FAM227B: variants seen among roughly 807,000 people sequenced by gnomAD.
FAM227B encodes the protein protein FAM227B.
FAM227B carries 88 observed loss-of-function variants against 73.8 expected under a neutral mutation model. That is an observed-to-expected ratio of 1.19 (90% CI 1.00 to 1.42). The LOEUF (loss-of-function observed/expected upper bound fraction) is 1.42, where lower values mean the gene tolerates loss of function less well. Ranked by LOEUF, FAM227B falls within the 40% of genes most tolerant of loss-of-function variation. The pLI, the probability that FAM227B is intolerant of heterozygous loss-of-function variation, is 0.00. For missense variants in FAM227B, 632 were observed against 590.9 expected (o/e 1.07, Z -0.72); for synonymous variants, 210 against 190.5 (o/e 1.10, Z -0.84).
chr15:49,424,303 C>T, intron 11 of FAM227B: 3 of 1,613,088 alleles, frequency 1.9e-6, no homozygotes, highest in Non-Finnish European at 2.5e-6. Flanking sequence ...CTATAATGCA[C>T]AAATGGATAC....
At chr15:49,354,719 G>A (rs1253507860) in intron 13 of FAM227B, among the ~76,000 whole-genome samples, 5 of 152,166 alleles carry the variant, frequency 3.3e-5, no homozygotes, top group East Asian at 1.9e-4. Context: ...CGGGAAGCTC[G>A]AACTGGGTGG....
intron 7 of FAM227B, chr15:49,576,216 A>C (rs1210315839): frequency 6.6e-6 from 1 of 152,550 alleles, no homozygotes; most frequent in East Asian, 1.9e-4. Flanking sequence ...ATAGAGGGCA[A>C]AATGACCAGT....
intron 10 of FAM227B, among the ~76,000 whole-genome samples, chr15:49,516,325 C>T (rs1474401423): frequency 2.0e-5 from 3 of 152,018 alleles, no homozygotes; most frequent in Admixed American, 1.3e-4. Flanking sequence ...AACCTATGCT[C>T]AGCTTTTAGC....
intron 11 of FAM227B, among the ~76,000 whole-genome samples, chr15:49,412,450 G>C (rs756878848): frequency 6.6e-6 from 1 of 151,996 alleles, no homozygotes; most frequent in African/African-American, 2.4e-5. Context: ...AAAATAACCA[G>C]AGAGGGTACT....
At chr15:49,340,040 T>C (rs1178575627) in intron 13 of FAM227B, among the ~76,000 whole-genome samples, 3 of 152,240 alleles carry the variant, frequency 2.0e-5, no homozygotes, top group East Asian at 1.9e-4. Flanking sequence ...CAGTGGATCT[T>C]AACTTGCTGG....
Position 49,483,480 on chromosome 15 carries a change from A to C in FAM227B, c.1012+24731T>G, listed in dbSNP as rs183848163. Among the ~76,000 whole-genome samples the C allele has an allele frequency of 2.5e-3, 375 of 152,192 alleles. 1 individual carries two copies. Among genetic ancestry groups the C allele is most frequent in the Non-Finnish European group, 3.9e-3 (266 of 67,932 alleles). On this transcript the variant is annotated intron_variant, in intron 11 of 15. Coordinates refer to ENST00000299338, the MANE Select transcript of FAM227B (RefSeq NM_152647.3). ...GTTTCTTCATCTGTAAAATGAGTTGAATTAACTGACCTCTAAGGATCCTTC... is the reference window on the plus strand; with the variant it reads ...GTTTCTTCATCTGTAAAATGAGTTGCATTAACTGACCTCTAAGGATCCTTC...
At chr15:49,408,856 G>A (rs1326195479) in intron 11 of FAM227B, among the ~76,000 whole-genome samples, 1 of 151,938 alleles carries the variant, frequency 6.6e-6, no homozygotes, top group African/African-American at 2.4e-5. Context: ...GTGGAGGGGT[G>A]GGGTTATATC....
chr15:49,390,499 A>G (rs759272060), intron 11 of FAM227B, among the ~76,000 whole-genome samples: 20 of 152,080 alleles, frequency 1.3e-4, no homozygotes, highest in Non-Finnish European at 2.4e-4. Flanking sequence ...CAATTATCCA[A>G]AGTGGCATTG....
intron 14 of FAM227B, among the ~76,000 whole-genome samples, chr15:49,333,426 T>G (rs142283512): frequency 6.6e-6 from 1 of 152,352 alleles, no homozygotes; most frequent in Non-Finnish European, 1.5e-5. Flanking sequence ...TTCTTGTGAG[T>G]TACTCTGAGA....
At chr15:49,514,231 A>G (rs147383347) in intron 10 of FAM227B, among the ~76,000 whole-genome samples, 8,273 of 152,180 alleles carry the variant, frequency 0.054, 323 homozygotes, top group East Asian at 0.12. Context: ...ATCCATGAGG[A>G]TAGAATGTTT....
intron 9 of FAM227B, among the ~76,000 whole-genome samples, chr15:49,553,667 G>GT (rs1204323499): frequency 1.1e-4 from 16 of 152,116 alleles, no homozygotes; most frequent in African/African-American, 3.6e-4. Context: ...ATCTCACCCT[G>GT]TAGCCACTGT....
At chr15:49,500,441 TAA>T (rs1286663149) in intron 11 of FAM227B, among the ~76,000 whole-genome samples, 2 of 152,202 alleles carry the variant, frequency 1.3e-5, no homozygotes, top group African/African-American at 2.4e-5. Flanking sequence ...ATGTGGGACA[TAA>T]AGTCAAAGGA....
intron 11 of FAM227B, among the ~76,000 whole-genome samples, chr15:49,383,430 G>C (rs552248292): frequency 6.6e-6 from 1 of 152,026 alleles, no homozygotes; most frequent in African/African-American, 2.4e-5. Context: ...TAGACAAAAT[G>C]CTATTATACC....
chr15:49,349,167 G>A (rs1450333175), intron 13 of FAM227B, among the ~76,000 whole-genome samples: 4 of 152,064 alleles, frequency 2.6e-5, no homozygotes, highest in African/African-American at 9.7e-5. Flanking sequence ...CTTAAACTGA[G>A]TTTGTAAGAA....
rs1387453119 is a variant in FAM227B, at chr15:49,602,977, G to T, written c.105+8238C>A. ...CTGCAGGTGTGTGGATTGGTTTCTG[G>T]GTTCTCTTATTTTGTTCCATGGGTG... On this transcript the variant is annotated intron_variant, in intron 3 of 15. Transcript: ENST00000299338. Among the ~76,000 whole-genome samples the T allele has an allele frequency of 2.0e-5, 3 of 152,076 alleles. No individual in the cohort carries two copies. In the East Asian group the frequency reaches 5.8e-4, roughly 29 times the overall value.
intron 12 of FAM227B, 54 bp downstream of exon 12, chr15:49,371,248 T>C: frequency 9.4e-7 from 1 of 1,069,250 alleles, no homozygotes. Context: ...CAATTGCAAA[T>C]ATATTGCAAA....
intron 10 of FAM227B, among the ~76,000 whole-genome samples, chr15:49,540,456 C>T (rs1230246937): frequency 6.6e-6 from 1 of 152,122 alleles, no homozygotes; most frequent in Non-Finnish European, 1.5e-5. Context: ...ACTCTTAACC[C>T]CTTCTAGGAC....
chr15:49,579,442 C>A (rs2075671962), intron 5 of FAM227B, among the ~76,000 whole-genome samples: 1 of 152,060 alleles, frequency 6.6e-6, no homozygotes, highest in Admixed American at 6.6e-5. Context: ...TGTATATACA[C>A]AATGGAATAC....
At chr15:49,399,486 C>T (rs2047960934) in intron 11 of FAM227B, among the ~76,000 whole-genome samples, 1 of 148,344 alleles carries the variant, frequency 6.7e-6, no homozygotes, top group Admixed American at 6.7e-5. Flanking sequence ...GGAATCCTCC[C>T]TAACTCATTT....
Sources: gnomAD v4.1 joint callset for allele counts (sites outside exome capture counted in the v4.1 genomes callset) on GRCh38, gnomAD v4.1.1 for gene constraint, MANE v1.5 for transcripts, NCBI Gene and HGNC (gene_info 2026-07-23, HGNC 2026-07-21) for gene names.